ERBB4: variants seen among roughly 807,000 people sequenced by gnomAD.
ERBB4 encodes receptor tyrosine-protein kinase erbB-4.
ERBB4 carries 42 observed loss-of-function variants against 158.0 expected under a neutral mutation model. That is an observed-to-expected ratio of 0.27 (90% CI 0.21 to 0.34). The LOEUF (loss-of-function observed/expected upper bound fraction) is 0.34, where lower values mean the gene tolerates loss of function less well. Among genes scored for constraint, ERBB4 ranks in the 10% least tolerant of loss-of-function variants. The probability of loss-of-function intolerance (pLI) is 1.00; values close to 1 mark genes in which losing one functional copy is unlikely to be tolerated. For synonymous variants in ERBB4, 583 were observed against 558.7 expected, an observed-to-expected ratio of 1.04 and a Z score of -0.61; for missense variants, 1,333 against 1,624.1, an observed-to-expected ratio of 0.82 and a Z score of 3.08.
At chr2:212,513,761 A>G (rs1249769209) in intron 1 of ERBB4, among the ~76,000 whole-genome samples, 3 of 152,064 alleles carry the variant, frequency 2.0e-5, no homozygotes, top group Non-Finnish European at 4.4e-5. Context: ...GCAGTGCGCC[A>G]AGATCCCGCC....
intron 20 of ERBB4, among the ~76,000 whole-genome samples, chr2:211,527,306 G>GA (rs1393672785): frequency 3.0e-4 from 45 of 151,586 alleles, no homozygotes; most frequent in African/African-American, 1.1e-3. Context: ...TTAATGTGCT[G>GA]GAAAAAAACC....
intron 5 of ERBB4, among the ~76,000 whole-genome samples, chr2:211,748,925 A>C (rs931336079): frequency 1.3e-5 from 2 of 152,210 alleles, no homozygotes; most frequent in Non-Finnish European, 2.9e-5. Context: ...CTGGGATGCA[A>C]CTTAGCCTCC....
intron 17 of ERBB4, among the ~76,000 whole-genome samples, chr2:211,629,971 C>G (rs2070038315): frequency 6.6e-6 from 1 of 152,206 alleles, no homozygotes; most frequent in Non-Finnish European, 1.5e-5. Flanking sequence ...CAATACCATT[C>G]AGGACATAGG....
intron 1 of ERBB4, among the ~76,000 whole-genome samples, chr2:212,301,980 T>C (rs2086641244): frequency 6.6e-6 from 1 of 151,482 alleles, no homozygotes; most frequent in Admixed American, 6.6e-5. Flanking sequence ...CCTATGTCAC[T>C]AAGGATATAA....
chr2:211,720,952 T>G (rs549019158), intron 7 of ERBB4, among the ~76,000 whole-genome samples: 1 of 152,334 alleles, frequency 6.6e-6, no homozygotes, highest in Admixed American at 6.5e-5. Flanking sequence ...TTCAACAATA[T>G]CTCAACACCA....
intron 1 of ERBB4, among the ~76,000 whole-genome samples, chr2:212,162,932 G>A (rs1363730881): frequency 6.6e-6 from 1 of 151,844 alleles, no homozygotes; most frequent in Non-Finnish European, 1.5e-5. Flanking sequence ...TAGTTCTCTT[G>A]GTCTTCTCAA....
At chr2:211,512,387 T>G (rs148404615) in intron 20 of ERBB4, among the ~76,000 whole-genome samples, 1,923 of 151,886 alleles carry the variant, frequency 0.013, 54 homozygotes, top group African/African-American at 0.043. Context: ...AACAGAGCAC[T>G]GATTTCAGAG....
At chr2:211,968,269 C>T (rs2081356402) in intron 2 of ERBB4, among the ~76,000 whole-genome samples, 1 of 151,950 alleles carries the variant, frequency 6.6e-6, no homozygotes, top group African/African-American at 2.4e-5. Context: ...AAGTTTTAAC[C>T]ATGAATGGTT....
At chr2:211,399,344 A>G (rs966506698) in intron 25 of ERBB4, among the ~76,000 whole-genome samples, 45 of 152,340 alleles carry the variant, frequency 3.0e-4, no homozygotes, top group African/African-American at 1.0e-3. Context: ...CAGCAAAGAT[A>G]TATTGAATCA....
chr2:211,379,339 G>A lies in ERBB4; in HGVS notation c.*4276C>T, dbSNP rs192085657. ...ATGTTTGCCTATTAAATTCTGCAAG[G>A]TGGTGTTTATTTAAAAAAATAAATA... On this transcript the variant is annotated 3_prime_UTR_variant, in exon 28 of 28. Coordinates refer to ENST00000342788, the MANE Select transcript of ERBB4 (RefSeq NM_005235.3). 121 of 227,324 alleles carry A rather than the reference G, an allele frequency of 5.3e-4. 2 individuals are homozygous for A. The highest frequency in any genetic ancestry group is 2.3e-3 in the African/African-American group (103 of 44,926). 14.1% of individuals were successfully genotyped at this position (227,324 alleles called of 1,614,324 possible). A position where few individuals can be genotyped will look rare whatever the true frequency, so the allele number is the denominator to read the frequency against.
intron 1 of ERBB4, among the ~76,000 whole-genome samples, chr2:212,408,849 T>G (rs2091421592): frequency 6.6e-6 from 1 of 152,146 alleles, no homozygotes; most frequent in African/African-American, 2.4e-5. Context: ...TTACAGGAAT[T>G]TCTTCTATTA....
intron 1 of ERBB4, among the ~76,000 whole-genome samples, chr2:212,277,717 C>T (rs2106138898): frequency 6.6e-6 from 1 of 151,754 alleles, no homozygotes; most frequent in South Asian, 2.1e-4. Context: ...TGCTTTTCCT[C>T]CCTGGACTCT....
intron 3 of ERBB4, among the ~76,000 whole-genome samples, chr2:211,835,863 T>C (rs2077330221): frequency 1.3e-5 from 2 of 152,014 alleles, no homozygotes. Flanking sequence ...AAGGGGAACC[T>C]GACCTACGAG....
chr2:212,057,334 G>A (rs1377565167), intron 2 of ERBB4, among the ~76,000 whole-genome samples: 3 of 152,166 alleles, frequency 2.0e-5, no homozygotes, highest in East Asian at 3.8e-4. Flanking sequence ...AATAATGGGA[G>A]ACTTTAACAC....
intron 3 of ERBB4, among the ~76,000 whole-genome samples, chr2:211,871,278 C>A (rs184067467): frequency 1.3e-5 from 2 of 152,112 alleles, no homozygotes; most frequent in African/African-American, 2.4e-5. Flanking sequence ...GCCAGAGGAT[C>A]ACTTGAGCCC....
At chr2:211,786,750 C>T (rs1353242707) in intron 4 of ERBB4, among the ~76,000 whole-genome samples, 1 of 152,174 alleles carries the variant, frequency 6.6e-6, no homozygotes. Context: ...TTTCCTTTTA[C>T]CCAACCAATA....
chr2:211,831,256 C>A (rs1293536858), intron 3 of ERBB4, among the ~76,000 whole-genome samples: 2 of 152,108 alleles, frequency 1.3e-5, no homozygotes, highest in Non-Finnish European at 2.9e-5. Context: ...ACAACAAAGG[C>A]AACCCTCGTG....
At chr2:211,964,417 A>G in intron 2 of ERBB4, among the ~76,000 whole-genome samples, 1 of 152,194 alleles carries the variant, frequency 6.6e-6, no homozygotes, top group East Asian at 1.9e-4. Flanking sequence ...TTTCGGAATT[A>G]CGTTAAACTA....
At chr2:212,143,828 C>T (rs1455531628) in intron 1 of ERBB4, among the ~76,000 whole-genome samples, 1 of 151,782 alleles carries the variant, frequency 6.6e-6, no homozygotes, top group African/African-American at 2.4e-5. Context: ...CTAGCTTGGC[C>T]AATATGGTGA....
Sources: allele counts gnomAD v4.1 joint callset (sites outside exome capture counted in the v4.1 genomes callset), GRCh38; gene constraint gnomAD v4.1.1; transcripts MANE v1.5; gene names NCBI Gene and HGNC (gene_info 2026-07-23, HGNC 2026-07-21).